ANGPT2: variants seen among roughly 807,000 people sequenced by gnomAD.
ANGPT2 encodes angiopoietin 2.
In ANGPT2, 28 loss-of-function variants were observed where a neutral mutation model predicts 62.9. The ratio of observed to expected loss-of-function variants is 0.44; its 90% CI spans 0.33 to 0.61. The LOEUF (loss-of-function observed/expected upper bound fraction) is 0.61, where lower values mean the gene tolerates loss of function less well. Ranked by LOEUF, ANGPT2 falls within the 20% of genes least tolerant of loss-of-function variation. The probability of loss-of-function intolerance (pLI) is 0.03; values close to 1 mark genes in which losing one functional copy is unlikely to be tolerated. For missense variants in ANGPT2, 727 were observed against 594.9 expected (o/e 1.22, Z -2.31); for synonymous variants, 284 against 207.8 (o/e 1.37, Z -3.15).
At chr8:6,539,088 T>C (rs1821033626) in intron 1 of ANGPT2, among the ~76,000 whole-genome samples, 1 of 152,110 alleles carries the variant, frequency 6.6e-6, no homozygotes, top group African/African-American at 2.4e-5. Context: ...AGCTGTGTAC[T>C]CAGCAGTACT....
chr8:6,504,304 T>G (rs560368080), intron 8 of ANGPT2, among the ~76,000 whole-genome samples: 1 of 113,512 alleles, frequency 8.8e-6, no homozygotes, highest in Non-Finnish European at 1.6e-5. Flanking sequence ...GGCGACAGAG[T>G]GAGACTCCAG....
At chr8:6,549,641 A>C (rs17623771) in intron 1 of ANGPT2, among the ~76,000 whole-genome samples, 6,429 of 147,378 alleles carry the variant, frequency 0.044, 176 homozygotes, top group East Asian at 0.099. Flanking sequence ...AGATACAGAC[A>C]AAGAGGGGCG....
intron 1 of ANGPT2, among the ~76,000 whole-genome samples, chr8:6,541,620 A>G (rs538325060): frequency 4.6e-4 from 70 of 152,284 alleles, no homozygotes; most frequent in Non-Finnish European, 8.4e-4. Flanking sequence ...TTTTTGGGAT[A>G]CTTTGTTAAA....
intron 8 of ANGPT2, chr8:6,508,604 CA>C: frequency 2.2e-6 from 1 of 464,136 alleles, no homozygotes. Flanking sequence ...TTACATAAAG[CA>C]AAATGTAATT....
intron 8 of ANGPT2, 69 bp downstream of exon 8, chr8:6,508,863 T>G (rs1398211329): frequency 6.2e-7 from 1 of 1,604,778 alleles, no homozygotes. Context: ...GTAGTCCAAA[T>G]TGCCAGCCTT....
At chr8:6,512,914 T>G (rs1360714063) in intron 7 of ANGPT2, among the ~76,000 whole-genome samples, 1 of 152,210 alleles carries the variant, frequency 6.6e-6, no homozygotes, top group African/African-American at 2.4e-5. Context: ...TCTCTAAACT[T>G]GACAACTAAT....
intron 5 of ANGPT2, 64 bp downstream of exon 5, chr8:6,519,800 T>A (rs556677528): frequency 4.4e-6 from 7 of 1,574,506 alleles, no homozygotes; most frequent in Non-Finnish European, 6.1e-6. Context: ...GCTCTCTGGT[T>A]CCTCACTCAC....
intron 6 of ANGPT2, 108 bp downstream of exon 6, chr8:6,514,569 G>A (rs1334571375): frequency 1.0e-6 from 1 of 969,902 alleles, no homozygotes; most frequent in South Asian, 1.5e-5. Flanking sequence ...TAAAAACCAT[G>A]TCAAAAGTCA....
chr8:6,561,283 A>G (rs1166588047), intron 1 of ANGPT2, among the ~76,000 whole-genome samples: 1 of 152,240 alleles, frequency 6.6e-6, no homozygotes, highest in Non-Finnish European at 1.5e-5. Flanking sequence ...ATGTCACATG[A>G]AATCTACATT....
chr8:6,560,077 C>G (rs1458218757), intron 1 of ANGPT2, among the ~76,000 whole-genome samples: 1 of 152,188 alleles, frequency 6.6e-6, no homozygotes, highest in Non-Finnish European at 1.5e-5. Flanking sequence ...TATTTATTTG[C>G]CCTAAAATGA....
chr8:6,553,404 T>C (rs1824017414), intron 1 of ANGPT2, among the ~76,000 whole-genome samples: 1 of 152,220 alleles, frequency 6.6e-6, no homozygotes, highest in South Asian at 2.1e-4. Context: ...GATGGTTACA[T>C]AGTTAAAAGT....
rs759315200 is a variant in ANGPT2, at chr8:6,514,688, C to G, written c.1018G>C (p.Glu340Gln). Residue 340 changes from glutamate to glutamine, a missense_variant, in exon 6 of 9, where the codon GAA (glutamate) becomes CAA (glutamine). By Grantham distance (29) the Glu-to-Gln change is conservative. Transcript: ENST00000629816. ...GSVDFQRTWK[E>Q]YKVGFGNPSG... is the part of the protein sequence containing the mutation. Reference sequence around the variant, plus strand: ...AAGAATGTCCTTACCACTTTATATTCTTTCCAAGTCCTCTGAAAATCAACG... The same window carrying G: ...AAGAATGTCCTTACCACTTTATATTGTTTCCAAGTCCTCTGAAAATCAACG... The G allele has an allele frequency of 6.2e-7, 1 of 1,614,024 alleles. No individual in the cohort carries two copies. Among genetic ancestry groups the G allele is most frequent in the South Asian group, 1.1e-5 (1 of 91,072 alleles).
chr8:6,520,225 T>A (rs1280844783), intron 4 of ANGPT2, among the ~76,000 whole-genome samples: 1 of 152,226 alleles, frequency 6.6e-6, no homozygotes, highest in South Asian at 2.1e-4. Context: ...TTAAAATACT[T>A]CAAATAATCC....
chr8:6,523,754 AT>A (rs1293419392), intron 3 of ANGPT2, among the ~76,000 whole-genome samples: 19 of 152,096 alleles, frequency 1.2e-4, no homozygotes, highest in African/African-American at 3.9e-4. Context: ...CGCCCAGCTA[AT>A]TTTTTGTATT....
intron 1 of ANGPT2, among the ~76,000 whole-genome samples, chr8:6,550,520 C>T (rs1252309213): frequency 1.3e-5 from 2 of 152,226 alleles, no homozygotes; most frequent in East Asian, 1.9e-4. Context: ...CTGGCCTGCT[C>T]ACCATTTCCC....
rs7814961 is a variant in ANGPT2, at chr8:6,562,839, C to T, written c.96G>A (p.Lys32=). 2.4e-3 allele frequency: 3,924 copies of T among 1,613,906 alleles called. 75 individuals are homozygous for T. The African/African-American group carries it at 0.045, about 18-fold the overall frequency. The change falls in exon 1 of 9, where the codon AAG becomes AAA. Residue 32 remains lysine (K), a synonymous_variant. Transcript: ENST00000629816. ...AGGACCCATGCTGGACCTGATATTG[C>T]TTCTTTCCTATGCTGTCCATGCTCT... ...FRKSMDSIGK[K]QYQVQHGSCS...
At chr8:6,543,631 T>G (rs911625732) in intron 1 of ANGPT2, among the ~76,000 whole-genome samples, 3 of 152,342 alleles carry the variant, frequency 2.0e-5, no homozygotes, top group Non-Finnish European at 4.4e-5. Flanking sequence ...TTCATAAAGC[T>G]GTAGGTGCAG....
intron 1 of ANGPT2, among the ~76,000 whole-genome samples, chr8:6,542,025 A>T (rs1346661951): frequency 6.6e-6 from 1 of 151,446 alleles, no homozygotes; most frequent in African/African-American, 2.4e-5. Flanking sequence ...AAAAAAAAAA[A>T]GTACTGAATG....
intron 1 of ANGPT2, among the ~76,000 whole-genome samples, chr8:6,556,184 G>T (rs1824578073): frequency 6.6e-6 from 1 of 151,890 alleles, no homozygotes; most frequent in African/African-American, 2.4e-5. Flanking sequence ...TTGTTAAAGA[G>T]GTAATTTAAA....
Sources: allele counts gnomAD v4.1 joint callset (sites outside exome capture counted in the v4.1 genomes callset), GRCh38; gene constraint gnomAD v4.1.1; transcripts MANE v1.5; gene names NCBI Gene and HGNC (gene_info 2026-07-23, HGNC 2026-07-21).